The following RBMS3 variants were observed in gnomAD, a reference collection of about 807,000 sequenced individuals.
The protein encoded by RBMS3 is RNA-binding motif, single-stranded-interacting protein 3.
Under a neutral mutation model 66.8 loss-of-function variants are expected in RBMS3, and 27 were observed. That is an observed-to-expected ratio of 0.40 (90% CI 0.30 to 0.56). The LOEUF (loss-of-function observed/expected upper bound fraction) is 0.56. RBMS3 is among the 20% of genes least tolerant of loss of function. The pLI, the probability that RBMS3 is intolerant of heterozygous loss-of-function variation, is 0.40. For missense variants in RBMS3, 513 were observed against 549.5 expected (o/e 0.93, Z 0.66); for synonymous variants, 188 against 183.0 (o/e 1.03, Z -0.22).
At chr3:29,713,872 T>C (rs2053276315) in intron 4 of RBMS3, among the ~76,000 whole-genome samples, 1 of 151,814 alleles carries the variant, frequency 6.6e-6, no homozygotes, top group Admixed American at 6.6e-5. Flanking sequence ...CTGGGCAACA[T>C]GGTGAAACCC....
chr3:29,897,692 T>G (rs2060157924), intron 9 of RBMS3, among the ~76,000 whole-genome samples: 1 of 151,654 alleles, frequency 6.6e-6, no homozygotes, highest in Admixed American at 6.6e-5. Flanking sequence ...TTTTCATTCT[T>G]CCTGCTGAGT....
At chr3:29,526,595 T>C (rs1275962918) in intron 3 of RBMS3, among the ~76,000 whole-genome samples, 1 of 130,836 alleles carries the variant, frequency 7.6e-6, no homozygotes, top group Admixed American at 8.1e-5. Flanking sequence ...CTGGCCCACA[T>C]CTGGTCTTCT....
rs1575661154 is a variant in RBMS3 at position 29,379,291 on chromosome 3, A to T, written c.76-55452A>T. Among the ~76,000 whole-genome samples the T allele has an allele frequency of 2.0e-5, 3 of 152,308 alleles. No homozygotes were observed. In the South Asian group the frequency reaches 6.2e-4, roughly 32 times the overall value. ...CTGATATGTAGCTGTAATCCAATAA[A>T]TCTCCAATGCATGATTGAATTAGAG... On this transcript the variant is annotated intron_variant, in intron 1 of 14. Transcript: ENST00000383767.
chr3:29,305,070 A>G (rs2033919767), intron 1 of RBMS3, among the ~76,000 whole-genome samples: 1 of 151,592 alleles, frequency 6.6e-6, no homozygotes, highest in African/African-American at 2.4e-5. Context: ...TGTTGCTCCA[A>G]TATGCCCAGA....
At chr3:29,442,171 C>T (rs998315530) in intron 2 of RBMS3, among the ~76,000 whole-genome samples, 3 of 152,112 alleles carry the variant, frequency 2.0e-5, no homozygotes, top group African/African-American at 4.8e-5. Context: ...AGAAACTCTT[C>T]CTATTTTGAC....
chr3:29,536,639 G>A (rs952845372), intron 3 of RBMS3, among the ~76,000 whole-genome samples: 4 of 152,158 alleles, frequency 2.6e-5, no homozygotes, highest in African/African-American at 9.7e-5. Flanking sequence ...TAGCCGTATT[G>A]CACAGCAGTA....
intron 4 of RBMS3, among the ~76,000 whole-genome samples, chr3:29,639,805 T>G (rs776391120): frequency 6.6e-6 from 1 of 151,708 alleles, no homozygotes; most frequent in African/African-American, 2.4e-5. Context: ...ACTTCCCTGG[T>G]TTTTCTTGGA....
chr3:29,850,321 T>C (rs2058899648), intron 6 of RBMS3, among the ~76,000 whole-genome samples: 1 of 152,202 alleles, frequency 6.6e-6, no homozygotes, highest in Non-Finnish European at 1.5e-5. Flanking sequence ...ACTTGACTTC[T>C]TGATGAGACA....
chr3:29,896,311 C>T (rs948209077), intron 8 of RBMS3, among the ~76,000 whole-genome samples: 10 of 151,218 alleles, frequency 6.6e-5, no homozygotes, highest in African/African-American at 2.4e-4. Flanking sequence ...ATATCACTGA[C>T]CCCTGAGGTT....
intron 4 of RBMS3, among the ~76,000 whole-genome samples, chr3:29,665,810 A>G (rs1329953999): frequency 6.6e-6 from 1 of 152,216 alleles, no homozygotes; most frequent in African/African-American, 2.4e-5. Context: ...TAGGGATTCT[A>G]TATGAAACTT....
chr3:29,343,594 C>T (rs2036405365), intron 1 of RBMS3, among the ~76,000 whole-genome samples: 1 of 151,950 alleles, frequency 6.6e-6, no homozygotes, highest in Non-Finnish European at 1.5e-5. Flanking sequence ...AAAAATGTTC[C>T]TAACTTCAAA....
At chr3:29,583,921 C>A (rs2047419675) in intron 3 of RBMS3, among the ~76,000 whole-genome samples, 1 of 151,794 alleles carries the variant, frequency 6.6e-6, no homozygotes, top group East Asian at 1.9e-4. Flanking sequence ...ACACAGACAA[C>A]CATAGCATCT....
At chr3:29,297,759 G>A (rs1376120176) in intron 1 of RBMS3, among the ~76,000 whole-genome samples, 1 of 151,784 alleles carries the variant, frequency 6.6e-6, no homozygotes, top group South Asian at 2.1e-4. Context: ...GTCCCCTAGA[G>A]TAAATAAATT....
At chr3:29,664,019 T>C (rs1193627457) in intron 4 of RBMS3, among the ~76,000 whole-genome samples, 1 of 152,092 alleles carries the variant, frequency 6.6e-6, no homozygotes, top group Non-Finnish European at 1.5e-5. Flanking sequence ...AATACTATCA[T>C]TGAATTGATA....
chr3:29,598,013 T>C (rs60147273), intron 4 of RBMS3, among the ~76,000 whole-genome samples: 1 of 152,254 alleles, frequency 6.6e-6, no homozygotes, highest in East Asian at 1.9e-4. Flanking sequence ...TCTTGTAAGA[T>C]GATAGACATT....
chr3:29,672,896 C>G (rs1381125947), intron 4 of RBMS3, among the ~76,000 whole-genome samples: 7 of 152,182 alleles, frequency 4.6e-5, no homozygotes, highest in Non-Finnish European at 8.8e-5. Context: ...ACAAGGATAT[C>G]CAGGCCTTGA....
At chr3:29,837,939 C>G (rs1311354994) in intron 6 of RBMS3, among the ~76,000 whole-genome samples, 24 of 151,084 alleles carry the variant, frequency 1.6e-4, no homozygotes, top group Admixed American at 1.6e-3. Flanking sequence ...GTCGAATTGT[C>G]ATTTTCTAAG....
At chr3:29,939,987 T>A (rs1238185075) in intron 11 of RBMS3, among the ~76,000 whole-genome samples, 2 of 151,764 alleles carry the variant, frequency 1.3e-5, no homozygotes, top group Non-Finnish European at 2.9e-5. Context: ...TGCTCCCTGT[T>A]TCCCTGCAAG....
At chr3:29,884,460 C>T (rs918752162) in intron 8 of RBMS3, among the ~76,000 whole-genome samples, 12 of 138,804 alleles carry the variant, frequency 8.6e-5, no homozygotes, top group Non-Finnish European at 1.6e-4. Flanking sequence ...CTCTCTCTCT[C>T]TCTCTCTCTC....
Sources: gnomAD v4.1 joint callset for allele counts (sites outside exome capture counted in the v4.1 genomes callset) on GRCh38, gnomAD v4.1.1 for gene constraint, MANE v1.5 for transcripts, NCBI Gene and HGNC (gene_info 2026-07-23, HGNC 2026-07-21) for gene names.